Variants in ROCK2 observed in about 807,000 individuals in gnomAD.
ROCK2 encodes the protein rho-associated protein kinase 2.
ROCK2 carries 61 observed loss-of-function variants against 195.1 expected under a neutral mutation model. The ratio of observed to expected loss-of-function variants is 0.31; its 90% CI spans 0.25 to 0.39. The LOEUF is 0.39. ROCK2 is among the 10% of genes least tolerant of loss of function. The pLI is 1.00. For missense variants in ROCK2, 1,109 were observed against 1,637.4 expected (o/e 0.68, Z 5.57); for synonymous variants, 504 against 545.5 (o/e 0.92, Z 1.06).
chr2:11,234,341 CAA>C (rs906789732), intron 5 of ROCK2: 40 of 152,100 alleles, frequency 2.6e-4, no homozygotes, highest in Middle Eastern at 6.8e-3. Flanking sequence ...ACCCTAGTGC[CAA>C]AAGTTTTTGG....
At chr2:11,305,803 T>C (rs1572387196) in intron 1 of ROCK2, among the ~76,000 whole-genome samples, 1 of 152,286 alleles carries the variant, frequency 6.6e-6, no homozygotes, top group East Asian at 1.9e-4. Context: ...ATAAACACTA[T>C]GGGAAATGGG....
intron 1 of ROCK2, among the ~76,000 whole-genome samples, chr2:11,317,327 G>C (rs914665611): frequency 1.3e-5 from 2 of 151,346 alleles, no homozygotes; most frequent in South Asian, 4.2e-4. Context: ...GAAAAGCATG[G>C]GTTAGTGAAA....
intron 3 of ROCK2, among the ~76,000 whole-genome samples, chr2:11,271,018 A>G (rs1666608732): frequency 6.6e-6 from 1 of 152,172 alleles, no homozygotes; most frequent in African/African-American, 2.4e-5. Flanking sequence ...TCTTGTGGGC[A>G]GTGTTCTATA....
chr2:11,200,452 T>C (rs1330800896), intron 23 of ROCK2, among the ~76,000 whole-genome samples: 1 of 152,218 alleles, frequency 6.6e-6, no homozygotes, highest in Admixed American at 6.5e-5. Context: ...GTACTGCCAC[T>C]CCCATCATAT....
chr2:11,263,532 G>A (rs1666305431), intron 3 of ROCK2, among the ~76,000 whole-genome samples: 1 of 151,532 alleles, frequency 6.6e-6, no homozygotes, highest in South Asian at 2.1e-4. Context: ...ATGTAGAACA[G>A]CTATGAATCC....
rs999865201 is a variant in ROCK2, at chr2:11,182,936, T to C, written c.*501A>G. 1 of 148,198 alleles carries C rather than the reference T, an allele frequency of 6.7e-6. No homozygotes were observed. The highest frequency in any genetic ancestry group is 1.5e-5 in the Non-Finnish European group (1 of 67,440). The allele number at this position is 148,198 out of a possible 1,614,324, so 9.2% of individuals were successfully genotyped here. A position where few individuals can be genotyped will look rare whatever the true frequency, so the allele number is the denominator to read the frequency against. On this transcript the variant is annotated 3_prime_UTR_variant, in exon 33 of 33. Coordinates refer to ENST00000315872, the MANE Select transcript of ROCK2 (RefSeq NM_004850.5). ...AAAGTGGGAAGTTTAAAAAACCTTCTTGCAGTATTAGAGTACTATATATAT... is the reference window on the plus strand; with the variant it reads ...AAAGTGGGAAGTTTAAAAAACCTTCCTGCAGTATTAGAGTACTATATATAT...
At chr2:11,209,446 A>AT (rs1171603517) in intron 18 of ROCK2, among the ~76,000 whole-genome samples, 1 of 152,260 alleles carries the variant, frequency 6.6e-6, no homozygotes, top group Non-Finnish European at 1.5e-5. Context: ...ATGACCAAGG[A>AT]AACGCTCACA....
chr2:11,293,377 A>C (rs1380609429), intron 1 of ROCK2, among the ~76,000 whole-genome samples: 1 of 152,196 alleles, frequency 6.6e-6, no homozygotes, highest in Non-Finnish European at 1.5e-5. Flanking sequence ...CCTCGTTTGT[A>C]AAAAAGAGTT....
chr2:11,315,783 T>G (rs1323953144), intron 1 of ROCK2, among the ~76,000 whole-genome samples: 3 of 152,084 alleles, frequency 2.0e-5, no homozygotes, highest in Non-Finnish European at 2.9e-5. Flanking sequence ...AGCCAGAAAT[T>G]AAAGCCATAA....
At chr2:11,319,752 CTTA>C (rs1354887887) in intron 1 of ROCK2, among the ~76,000 whole-genome samples, 2 of 151,442 alleles carry the variant, frequency 1.3e-5, no homozygotes, top group Non-Finnish European at 2.9e-5. Context: ...ATAAATAGCT[CTTA>C]TTATTTTTAG....
intron 1 of ROCK2, among the ~76,000 whole-genome samples, chr2:11,322,828 G>A (rs766801421): frequency 3.3e-5 from 5 of 152,054 alleles, no homozygotes; most frequent in Admixed American, 1.3e-4. Flanking sequence ...CCTGAGTTAC[G>A]CGTTCCATTT....
At chr2:11,296,008 GA>G (rs1558369890) in intron 1 of ROCK2, among the ~76,000 whole-genome samples, 14 of 95,722 alleles carry the variant, frequency 1.5e-4, no homozygotes, top group African/African-American at 5.1e-4. Flanking sequence ...AGAGAGAGGA[GA>G]GAGAGAGAGA....
intron 20 of ROCK2, among the ~76,000 whole-genome samples, chr2:11,207,182 T>C (rs1252307980): frequency 1.3e-5 from 2 of 152,210 alleles, no homozygotes; most frequent in Non-Finnish European, 2.9e-5. Context: ...CAATCTCACT[T>C]CACCTCAAGT....
At chr2:11,199,494 AT>A (rs746902939) in intron 23 of ROCK2, among the ~76,000 whole-genome samples, 6,552 of 139,518 alleles carry the variant, frequency 0.047, 253 homozygotes, top group Non-Finnish European at 0.066. Flanking sequence ...GATAAAAAAA[AT>A]TTTTTTTTTT....
chr2:11,304,951 C>G (rs756426097), intron 1 of ROCK2, among the ~76,000 whole-genome samples: 2 of 152,134 alleles, frequency 1.3e-5, no homozygotes, highest in Non-Finnish European at 2.9e-5. Context: ...ATGTAATAAC[C>G]GAACTAGGCT....
chr2:11,281,039 AATT>A (rs1666984101), intron 3 of ROCK2, among the ~76,000 whole-genome samples: 1 of 152,110 alleles, frequency 6.6e-6, no homozygotes, highest in Non-Finnish European at 1.5e-5. Context: ...GGTGTAAAAG[AATT>A]ATACGCCACA....
intron 1 of ROCK2, chr2:11,308,479 C>T (rs1024604455): frequency 2.7e-5 from 43 of 1,603,672 alleles, no homozygotes; most frequent in Middle Eastern, 2.1e-4. Context: ...CTAGAGTTCC[C>T]GGTACTTTCT....
rs1409454002 is a variant in ROCK2 at position 11,224,357 on chromosome 2, A to C, written c.972T>G (p.His324Gln). Residue 324 changes from histidine (H) to glutamine (Q), a missense_variant, in exon 7 of 33, where the codon CAT becomes CAG. Transcript: ENST00000315872. ...AGAAAGCACAGATGAGATTCTTTGCATGTTTGGAAATTTCTGCATCTTCAG... is the reference window on the plus strand; with the variant it reads ...AGAAAGCACAGATGAGATTCTTTGCCTGTTTGGAAATTTCTGCATCTTCAG... ...CFPEDAEISK[H>Q]AKNLICAFLT... 6.2e-7 allele frequency: 1 copy of C among 1,613,288 alleles called. No homozygotes were observed. Among genetic ancestry groups the C allele is most frequent in the Non-Finnish European group, 8.5e-7 (1 of 1,179,556 alleles).
At chr2:11,221,749 A>G (rs1664645903) in intron 8 of ROCK2, among the ~76,000 whole-genome samples, 2 of 152,204 alleles carry the variant, frequency 1.3e-5, no homozygotes, top group Admixed American at 1.3e-4. Context: ...GTCTCCATAA[A>G]TAATTGTTGA....
Sources: gnomAD v4.1 joint callset for allele counts (sites outside exome capture counted in the v4.1 genomes callset) on GRCh38, gnomAD v4.1.1 for gene constraint, MANE v1.5 for transcripts, NCBI Gene and HGNC (gene_info 2026-07-23, HGNC 2026-07-21) for gene names.